POLA1: variants seen among roughly 807,000 people sequenced by gnomAD.
POLA1 encodes the protein DNA polymerase alpha 1, catalytic subunit, also known as DNA polymerase alpha catalytic subunit.
A neutral mutation model predicts 124.0 loss-of-function variants in POLA1; 15 were observed. That is an observed-to-expected ratio of 0.12 (90% CI 0.08 to 0.19). The LOEUF is 0.19. POLA1 is among the 10% of genes least tolerant of loss of function. POLA1 has a pLI of 1.00. For missense variants in POLA1, 886 were observed against 1,103.4 expected (o/e 0.80, Z 2.79); for synonymous variants, 408 against 389.4 (o/e 1.05, Z -0.56).
At chrX:24,763,721 G>A (rs1428580534) in intron 26 of POLA1, among the ~76,000 whole-genome samples, 1 of 111,611 alleles carries the variant, frequency 9.0e-6, no homozygotes, top group Non-Finnish European at 1.9e-5. Flanking sequence ...GAAGTAGTAG[G>A]CAACTGTCAG....
At chrX:24,953,038 A>T (rs867861390) in intron 36 of POLA1, among the ~76,000 whole-genome samples, 4 of 112,218 alleles carry the variant, frequency 3.6e-5, no homozygotes, top group Admixed American at 9.5e-5. Flanking sequence ...AGTCATGCTA[A>T]TCTTCACAAT....
chrX:24,753,924 C>G (rs1266974904), intron 26 of POLA1, among the ~76,000 whole-genome samples: 1 of 112,097 alleles, frequency 8.9e-6, no homozygotes, highest in African/African-American at 3.2e-5. Flanking sequence ...GCTTTGCCAG[C>G]CTGCTTGCCA....
intron 26 of POLA1, among the ~76,000 whole-genome samples, chrX:24,791,655 A>G (rs1164611972): frequency 1.8e-5 from 2 of 112,556 alleles, no homozygotes; most frequent in East Asian, 5.5e-4. Context: ...AAGTGCTGGG[A>G]TTACAGGCGT....
At chrX:24,830,202 A>G (rs191332882) in intron 32 of POLA1, among the ~76,000 whole-genome samples, 15 of 111,734 alleles carry the variant, frequency 1.3e-4, no homozygotes, top group African/African-American at 4.2e-4. Context: ...TTCTTTCTCT[A>G]TTGCTTTTAT....
chrX:24,717,181 C>T, intron 8 of POLA1, 109 bp from the exon 9 acceptor site: 1 of 651,741 alleles, frequency 1.5e-6, no homozygotes. Context: ...AGAAAAGGGA[C>T]AGGCTGCTAT....
At chrX:24,732,545 A>G in intron 16 of POLA1, 91 bp downstream of exon 16, 2 of 574,186 alleles carry the variant, frequency 3.5e-6, no homozygotes, top group Non-Finnish European at 5.8e-6. Flanking sequence ...CTTGTTTTTC[A>G]AAAATTGTTT....
rs773513112 is a variant in POLA1 at position 24,826,418 on chromosome X, T to G, written c.3562-9T>G. 3.6e-5 allele frequency: 42 copies of G among 1,166,863 alleles called. No homozygotes were observed. The highest frequency in any genetic ancestry group is 4.6e-5 in the Non-Finnish European group (40 of 870,489). ...TTTTTACGTGTCTTTTTATCATATC[T>G]TCTTTTAGGATGGATCAAACCTCAC... is the stretch of plus-strand genomic sequence containing the variant. On this transcript the variant is annotated splice_polypyrimidine_tract_variant and intron_variant, in intron 31 of 36. Coordinates refer to ENST00000379068, the MANE Select transcript of POLA1 (RefSeq NM_001330360.2).
rs2048609021 is a variant in POLA1 at position 24,996,471 on chromosome X, AG to A, written c.*526del. 8.8e-6 allele frequency: 1 copy of A among 113,338 alleles called. No homozygotes were observed. Among genetic ancestry groups the A allele is most frequent in the East Asian group, 2.8e-4 (1 of 3,618 alleles). The allele number at this position is 113,338 out of a possible 1,213,427, so 9.3% of individuals were successfully genotyped here. ...GTCTTGTCTTTTATATAGGTAGCTGAGGGGGAAGATTTAGAAGCCTTGCACT... is the reference window on the plus strand; with the variant it reads ...GTCTTGTCTTTTATATAGGTAGCTGAGGGGAAGATTTAGAAGCCTTGCACT... On this transcript the variant is annotated 3_prime_UTR_variant, in exon 37 of 37. Transcript: ENST00000379068.
Position 24,715,270 on chromosome X carries a change from A to T in POLA1, c.525+67A>T. The T allele has an allele frequency of 8.5e-6, 6 of 703,607 alleles. No homozygotes were observed. In the South Asian group the frequency reaches 1.2e-4, roughly 14 times the overall value. The allele number at this position is 703,607 out of a possible 1,213,427, so 58.0% of individuals were successfully genotyped here. A position where few individuals can be genotyped will look rare whatever the true frequency, so the allele number is the denominator to read the frequency against. On this transcript the variant is annotated intron_variant, in intron 6 of 36. Transcript: ENST00000379068. Reference sequence around the variant, plus strand: ...AGACTGAAGAAACACTCTAGTAATTATACAAAACAGACTATTGCCAGAATT... The same window carrying T: ...AGACTGAAGAAACACTCTAGTAATTTTACAAAACAGACTATTGCCAGAATT...
Position 24,718,156 on chromosome X carries a change from C to CT in POLA1, c.1087+399dup, listed in dbSNP as rs901289937. 6.2e-5 allele frequency among the ~76,000 whole-genome samples: 7 copies of CT among 112,085 alleles called. 1 individual carries two copies. Among genetic ancestry groups the CT allele is most frequent in the Admixed American group, 5.7e-4 (6 of 10,554 alleles). ...TAAAGGGAATCAGTCATTAATTTGT[C>CT]TGTTTCTTCAGCAAATTTGAATGCC... On this transcript the variant is annotated intron_variant, in intron 10 of 36. Transcript: ENST00000379068.
At chrX:24,731,889 A>C (rs1479233250) in intron 15 of POLA1, among the ~76,000 whole-genome samples, 1 of 112,302 alleles carries the variant, frequency 8.9e-6, no homozygotes, top group Non-Finnish European at 1.9e-5. Context: ...GATGATGGCT[A>C]TACAGGAGTT....
intron 4 of POLA1, among the ~76,000 whole-genome samples, chrX:24,709,248 C>A (rs1267856141): frequency 2.0e-5 from 2 of 98,111 alleles, no homozygotes; most frequent in Non-Finnish European, 4.1e-5. Context: ...GGGGGCTGAC[C>A]CCCCCACCTC....
intron 35 of POLA1, among the ~76,000 whole-genome samples, chrX:24,918,671 A>G (rs7881376): frequency 0.062 from 6,897 of 111,472 alleles, 529 homozygotes; most frequent in African/African-American, 0.21. Flanking sequence ...TGATTTATTA[A>G]AAAAAGAGGT....
At chrX:24,724,742 A>T (rs377592978) in intron 12 of POLA1, among the ~76,000 whole-genome samples, 10 of 112,517 alleles carry the variant, frequency 8.9e-5, no homozygotes, top group South Asian at 3.7e-4. Context: ...TCTCATTCCC[A>T]AGTGCAGAAG....
intron 34 of POLA1, among the ~76,000 whole-genome samples, chrX:24,867,118 G>A (rs1487982496): frequency 9.1e-6 from 1 of 110,463 alleles, no homozygotes; most frequent in African/African-American, 3.3e-5. Context: ...GTGATTTATT[G>A]TTTTGACATT....
intron 35 of POLA1, among the ~76,000 whole-genome samples, chrX:24,913,912 G>A (rs2047491158): frequency 9.3e-6 from 1 of 107,601 alleles, no homozygotes; most frequent in African/African-American, 3.4e-5. Flanking sequence ...TGTGTAATCC[G>A]AGCTACTTGG....
At chrX:24,775,075 T>G (rs1321580997) in intron 26 of POLA1, 3 of 110,336 alleles carry the variant, frequency 2.7e-5, no homozygotes, top group African/African-American at 6.6e-5. Context: ...AAATTATGTG[T>G]TTTTTTTTCT....
chrX:24,829,899 C>T (rs1049438104), intron 32 of POLA1, among the ~76,000 whole-genome samples: 1 of 112,371 alleles, frequency 8.9e-6, no homozygotes, highest in African/African-American at 3.2e-5. Context: ...AGCTAGTGAA[C>T]TGACACCGTT....
At chrX:24,816,101 A>G (rs1426075003) in intron 30 of POLA1, among the ~76,000 whole-genome samples, 1 of 111,912 alleles carries the variant, frequency 8.9e-6, no homozygotes, top group Non-Finnish European at 1.9e-5. Context: ...ATCTTTGTTT[A>G]TTTATCTTTT....
Sources: allele counts gnomAD v4.1 joint callset (sites outside exome capture counted in the v4.1 genomes callset), GRCh38; gene constraint gnomAD v4.1.1; transcripts MANE v1.5; gene names NCBI Gene and HGNC (gene_info 2026-07-23, HGNC 2026-07-21).